The following DLG1 variants were observed in gnomAD, a reference collection of about 807,000 sequenced individuals.
DLG1 encodes the protein discs large MAGUK scaffold protein 1.
Under a neutral mutation model 123.4 loss-of-function variants are expected in DLG1, and 42 were observed. That is an observed-to-expected ratio of 0.34 (90% CI 0.27 to 0.44). The LOEUF is 0.44. DLG1 is among the 20% of genes least tolerant of loss of function. DLG1 has a pLI of 1.00. For synonymous variants in DLG1, 317 were observed against 356.2 expected (o/e 0.89, Z 1.24); for missense variants, 942 against 1,082.6 (o/e 0.87, Z 1.82).
At chr3:197,100,880 T>C (rs1763086839) in intron 14 of DLG1, among the ~76,000 whole-genome samples, 1 of 152,232 alleles carries the variant, frequency 6.6e-6, no homozygotes, top group African/African-American at 2.4e-5. Flanking sequence ...CATACCAGTT[T>C]AGACAAATGT....
chr3:197,250,386 T>C (rs944413142), intron 4 of DLG1, among the ~76,000 whole-genome samples: 2 of 151,120 alleles, frequency 1.3e-5, no homozygotes, highest in African/African-American at 4.9e-5. Flanking sequence ...TGGCCAACAT[T>C]GTGAAACCCC....
chr3:197,090,062 A>G (rs1445540087), intron 15 of DLG1, among the ~76,000 whole-genome samples: 2 of 152,208 alleles, frequency 1.3e-5, no homozygotes, highest in Non-Finnish European at 2.9e-5. Context: ...ACACGTGTAT[A>G]GGATACATGT....
rs572834586 is a variant in DLG1 at position 197,224,245 on chromosome 3, T to C, written c.319-29656A>G. ...CAAAGTGGTTTAAAGGAGTGGAGGA[T>C]AGGGGAGGACTTTAAAGTCCACCAA... On this transcript the variant is annotated intron_variant, in intron 4 of 24. Coordinates refer to ENST00000667157, the MANE Select transcript of DLG1 (RefSeq NM_001366207.1). Among the ~76,000 whole-genome samples the C allele has an allele frequency of 5.3e-5, 8 of 152,254 alleles. No homozygotes were observed. In the East Asian group the frequency reaches 1.2e-3, roughly 22 times the overall value.
intron 3 of DLG1, among the ~76,000 whole-genome samples, chr3:197,284,346 G>C (rs1052191595): frequency 1.3e-5 from 2 of 152,028 alleles, no homozygotes; most frequent in Non-Finnish European, 2.9e-5. Flanking sequence ...ATCACACTAT[G>C]TAAAACAAAA....
intron 5 of DLG1, chr3:197,161,614 T>C: frequency 3.1e-6 from 4 of 1,300,964 alleles, no homozygotes; most frequent in East Asian, 2.7e-5. Flanking sequence ...GAAATTTTTA[T>C]AAAGAAAAAA....
chr3:197,229,417 C>T (rs1741687352), intron 4 of DLG1, among the ~76,000 whole-genome samples: 1 of 145,334 alleles, frequency 6.9e-6, no homozygotes, highest in South Asian at 2.2e-4. Flanking sequence ...TGAGCCACTG[C>T]ACTCCAGCCT....
intron 5 of DLG1, among the ~76,000 whole-genome samples, chr3:197,179,229 T>C (rs77263938): frequency 0.12 from 17,969 of 152,200 alleles, 1,157 homozygotes; most frequent in Middle Eastern, 0.15. Flanking sequence ...GATCTAAAAA[T>C]AGTCCTCATG....
At chr3:197,196,719 G>T (rs369762916) in intron 4 of DLG1, among the ~76,000 whole-genome samples, 9 of 152,080 alleles carry the variant, frequency 5.9e-5, no homozygotes, top group East Asian at 5.8e-4. Flanking sequence ...AAGTTAAACT[G>T]ACCAAAAATC....
rs201849037 is a variant in DLG1, at chr3:197,131,579, CCTTT to C, written c.1021-912_1021-909del. ...ATCAGCAAATATAGTTTTATTTCTT[CCTTT>C]CTTTTTTTTTTTTTTTTTTTTTTTT... On this transcript the variant is annotated intron_variant, in intron 10 of 24. Transcript: ENST00000667157. Among the ~76,000 whole-genome samples the C allele has an allele frequency of 9.8e-5, 12 of 122,736 alleles. No individual in the cohort carries two copies. In the South Asian group the frequency reaches 2.7e-3, roughly 28 times the overall value. The allele number at this position is 122,736 out of a possible 152,430, so 80.5% of individuals were successfully genotyped here. A position where few individuals can be genotyped will look rare whatever the true frequency, so the allele number is the denominator to read the frequency against.
intron 10 of DLG1, among the ~76,000 whole-genome samples, chr3:197,134,334 C>A (rs1005947897): frequency 1.6e-4 from 25 of 151,882 alleles, no homozygotes; most frequent in Admixed American, 1.6e-3. Flanking sequence ...TTACAAGCAG[C>A]CTGGAAAACA....
At chr3:197,085,150 T>C (rs1753585072) in intron 16 of DLG1, 1 of 160,254 alleles carries the variant, frequency 6.2e-6, no homozygotes, top group Non-Finnish European at 1.4e-5. Context: ...TATATATACA[T>C]ACTGTGAAAT....
intron 15 of DLG1, among the ~76,000 whole-genome samples, chr3:197,090,336 AT>A (rs1652316915): frequency 6.6e-6 from 1 of 151,508 alleles, no homozygotes; most frequent in East Asian, 1.9e-4. Context: ...ACCCCAGTTT[AT>A]ATACTAATAT....
Position 197,279,754 on chromosome 3 carries a change from T to C in DLG1, c.318+2925A>G, listed in dbSNP as rs140937468. 2.4e-4 allele frequency among the ~76,000 whole-genome samples: 36 copies of C among 152,338 alleles called. No homozygotes were observed. In the East Asian group the frequency reaches 6.6e-3, roughly 28 times the overall value. On this transcript the variant is annotated intron_variant, in intron 4 of 24. Transcript: ENST00000667157. ...GTTACCAATGCCATTTTTGATGAAATTCAATGCACTACTGATCTTCCTGAA... is the reference window on the plus strand; with the variant it reads ...GTTACCAATGCCATTTTTGATGAAACTCAATGCACTACTGATCTTCCTGAA...
intron 11 of DLG1, among the ~76,000 whole-genome samples, chr3:197,120,327 A>G (rs1009545712): frequency 2.0e-5 from 3 of 152,104 alleles, no homozygotes; most frequent in African/African-American, 7.2e-5. Context: ...CAATAGTAAT[A>G]AATACCACAT....
chr3:197,068,430 A>C (rs1414542459), intron 19 of DLG1: 1 of 1,021,504 alleles, frequency 9.8e-7, no homozygotes, highest in Non-Finnish European at 1.4e-6. Flanking sequence ...ATAATCAACC[A>C]AATGAATGAC....
intron 13 of DLG1, 72 bp from the exon 14 acceptor site, chr3:197,105,077 TTGA>T: frequency 1.0e-6 from 1 of 970,852 alleles, no homozygotes; most frequent in Non-Finnish European, 1.6e-6. Flanking sequence ...AGTCTATTCT[TTGA>T]GTAAGCATGT....
intron 5 of DLG1, among the ~76,000 whole-genome samples, chr3:197,177,698 C>T (rs969754470): frequency 6.6e-5 from 10 of 152,054 alleles, no homozygotes; most frequent in Non-Finnish European, 1.0e-4. Flanking sequence ...TGTTGTCTCA[C>T]TTTAATTATT....
chr3:197,117,215 G>A (rs1773791580), intron 12 of DLG1, among the ~76,000 whole-genome samples: 1 of 152,070 alleles, frequency 6.6e-6, no homozygotes, highest in Non-Finnish European at 1.5e-5. Context: ...TAAAGAAATT[G>A]CAACTCACAC....
intron 22 of DLG1, among the ~76,000 whole-genome samples, chr3:197,061,000 C>T (rs1331428331): frequency 1.3e-5 from 2 of 152,124 alleles, no homozygotes; most frequent in South Asian, 2.1e-4. Context: ...GATGGGGTTT[C>T]ACCATGTTGG....
Sources: gnomAD v4.1 joint callset for allele counts (sites outside exome capture counted in the v4.1 genomes callset) on GRCh38, gnomAD v4.1.1 for gene constraint, MANE v1.5 for transcripts, NCBI Gene and HGNC (gene_info 2026-07-23, HGNC 2026-07-21) for gene names.